The following SLC60A1 variants were observed in gnomAD, a reference collection of about 807,000 sequenced individuals.
The protein encoded by SLC60A1 is solute carrier family 60 member 1.
At chr1:205,598,071 G>A in the SLC60A1 span, 25 of 503,968 alleles carry the variant, frequency 5.0e-5, no homozygotes, top group Non-Finnish European at 9.1e-5. Context: ...ACGGATGCAT[G>A]GAAAAGTCCA....
At chr1:205,593,046 A>C in the SLC60A1 span, among the ~76,000 whole-genome samples, 1 of 152,130 alleles carries the variant, frequency 6.6e-6, no homozygotes, top group African/African-American at 2.4e-5. Flanking sequence ...TCTCTCGACT[A>C]ATCTCCCTCC....
the SLC60A1 span, among the ~76,000 whole-genome samples, chr1:205,581,577 A>G: frequency 6.6e-6 from 1 of 152,044 alleles, no homozygotes; most frequent in African/African-American, 2.4e-5. This position sits in a 1 kb window ranked among gnomAD's most constrained non-coding sequence, Gnocchi z 4.2. Context: ...TCAGGTGGGG[A>G]GACCCCCTAC....
At chr1:205,592,220 G>C in the SLC60A1 span, 7 of 1,614,148 alleles carry the variant, frequency 4.3e-6, no homozygotes, top group Non-Finnish European at 5.9e-6. Context: ...CGGCAAGCCT[G>C]GGCCTGTTTC....
At chr1:205,570,875 G>A in the SLC60A1 span, among the ~76,000 whole-genome samples, 152 of 152,314 alleles carry the variant, frequency 1.0e-3, no homozygotes, top group Non-Finnish European at 2.6e-4. Flanking sequence ...CAAAGAACAC[G>A]GAGGGGAAGG....
At chr1:205,580,749 A>C in the SLC60A1 span, 2 of 1,614,070 alleles carry the variant, frequency 1.2e-6, no homozygotes, top group Admixed American at 1.7e-5. The surrounding 1 kb of genome is among the most constrained non-coding windows in gnomAD (Gnocchi z 5.0). Flanking sequence ...TTGCCTGCCA[A>C]TAGCACGGCC....
chr1:205,580,629 A>ACCCCCCC, the SLC60A1 span: 5 of 639,790 alleles, frequency 7.8e-6, no homozygotes, highest in South Asian at 2.8e-5. The surrounding 1 kb of genome is among the most constrained non-coding windows in gnomAD (Gnocchi z 5.0). Context: ...ACTGACCCCC[A>ACCCCCCC]CCCCCACCCG....
At chr1:205,579,979 G>C in the SLC60A1 span, 5 of 1,600,250 alleles carry the variant, frequency 3.1e-6, no homozygotes, top group Non-Finnish European at 4.3e-6. Flanking sequence ...ACAGGGCTGG[G>C]AGCTGGGGAG....
chr1:205,592,357 C>T, the SLC60A1 span: 1 of 1,362,578 alleles, frequency 7.3e-7, no homozygotes, highest in Non-Finnish European at 9.6e-7. Flanking sequence ...TCTGCCCTGT[C>T]TCTCTGTGCT....
At chr1:205,588,198 G>A in the SLC60A1 span, among the ~76,000 whole-genome samples, 12 of 152,162 alleles carry the variant, frequency 7.9e-5, no homozygotes, top group East Asian at 1.9e-4. Context: ...AAGGCCAGGC[G>A]CGGTGGCTCA....
the SLC60A1 span, among the ~76,000 whole-genome samples, chr1:205,591,509 A>G: frequency 6.6e-6 from 1 of 150,812 alleles, no homozygotes; most frequent in African/African-American, 2.4e-5. Flanking sequence ...AAAAGGAAAG[A>G]AAAGAAAGAT....
At chr1:205,599,631 G>A in the SLC60A1 span, among the ~76,000 whole-genome samples, 11 of 152,288 alleles carry the variant, frequency 7.2e-5, no homozygotes, top group East Asian at 3.9e-4. Context: ...TCAGCCCAAC[G>A]GCCTAATTGG....
the SLC60A1 span, among the ~76,000 whole-genome samples, chr1:205,587,823 C>G: frequency 6.9e-4 from 105 of 152,252 alleles, no homozygotes; most frequent in African/African-American, 2.4e-3. Flanking sequence ...AGGAAGGGCA[C>G]AGACATGGGG....
chr1:205,583,496 C>T, the SLC60A1 span, among the ~76,000 whole-genome samples: 1 of 152,170 alleles, frequency 6.6e-6, no homozygotes, highest in African/African-American at 2.4e-5. Context: ...CTCTAGTTTA[C>T]CCCTCAGATC....
chr1:205,584,809 C>T, the SLC60A1 span: 1 of 1,452,754 alleles, frequency 6.9e-7, no homozygotes, highest in Admixed American at 1.7e-5. Context: ...CAGCCACGGC[C>T]CTGGGACATG....
chr1:205,579,527 C>T, the SLC60A1 span: 4 of 596,660 alleles, frequency 6.7e-6, no homozygotes, highest in African/African-American at 1.9e-5. Flanking sequence ...AGTGGCTAGG[C>T]TTTGTGAAGT....
At chr1:205,570,521 G>A in the SLC60A1 span, among the ~76,000 whole-genome samples, 1 of 152,258 alleles carries the variant, frequency 6.6e-6, no homozygotes, top group East Asian at 1.9e-4. Flanking sequence ...GCTGGTGGAA[G>A]GAGCACAGGT....
chr1:205,588,268 G>A, the SLC60A1 span, among the ~76,000 whole-genome samples: 109 of 152,004 alleles, frequency 7.2e-4, 2 homozygotes, highest in South Asian at 0.021. Flanking sequence ...TCAGGAGTTC[G>A]AGACCAGCCT....
chr1:205,584,537 C>CT, the SLC60A1 span, among the ~76,000 whole-genome samples: 55 of 128,524 alleles, frequency 4.3e-4, no homozygotes, highest in Middle Eastern at 4.0e-3. Flanking sequence ...GGTGATAGTC[C>CT]TTTTTTTTTT....
the SLC60A1 span, among the ~76,000 whole-genome samples, chr1:205,574,683 C>T: frequency 1.3e-5 from 2 of 152,134 alleles, no homozygotes; most frequent in Non-Finnish European, 2.9e-5. Context: ...GAAGCCCTTT[C>T]TGGGGAGATG....
Sources: gnomAD v4.1 joint callset for allele counts (sites outside exome capture counted in the v4.1 genomes callset) on GRCh38, gnomAD v4.1.1 for gene constraint, Gnocchi (gnomAD v3.1) non-coding constraint, MANE v1.5 for transcripts, NCBI Gene and HGNC (gene_info 2026-07-23, HGNC 2026-07-21) for gene names.